PAX5: variants seen among roughly 807,000 people sequenced by gnomAD.
PAX5 encodes paired box 5, also known as paired box protein Pax-5.
In PAX5, 9 loss-of-function variants were observed where a neutral mutation model predicts 43.7. That is an observed-to-expected ratio of 0.21 (90% CI 0.12 to 0.36). PAX5 has a LOEUF of 0.36. Among genes scored for constraint, PAX5 ranks in the 10% least tolerant of loss-of-function variants. The pLI is 1.00. For synonymous variants in PAX5, 228 were observed against 214.3 expected, an observed-to-expected ratio of 1.06 and a Z score of -0.56; for missense variants, 383 against 532.7, an observed-to-expected ratio of 0.72 and a Z score of 2.77.
At chr9:36,976,763 G>C (rs986300347) in intron 5 of PAX5, among the ~76,000 whole-genome samples, 2 of 152,232 alleles carry the variant, frequency 1.3e-5, no homozygotes, top group Admixed American at 6.5e-5. Flanking sequence ...GAGTGAATCC[G>C]ATTGTGCCGG....
chr9:36,875,386 A>G (rs1204242858), intron 8 of PAX5, among the ~76,000 whole-genome samples: 1 of 152,234 alleles, frequency 6.6e-6, no homozygotes, highest in Non-Finnish European at 1.5e-5. Context: ...CAGCTCTTAC[A>G]TACCATACAG....
intron 6 of PAX5, among the ~76,000 whole-genome samples, chr9:36,952,056 T>G (rs1437593851): frequency 6.6e-6 from 1 of 152,200 alleles, no homozygotes; most frequent in Non-Finnish European, 1.5e-5. Context: ...AACTATGAAT[T>G]ACTTTTACAG....
chr9:36,860,424 CG>C (rs1438868447), intron 8 of PAX5, among the ~76,000 whole-genome samples: 5 of 151,996 alleles, frequency 3.3e-5, no homozygotes, highest in Non-Finnish European at 7.4e-5. Flanking sequence ...TCGGAGTAAG[CG>C]GGGGGAGGCA....
intron 3 of PAX5, among the ~76,000 whole-genome samples, chr9:37,013,405 C>T (rs6476607): frequency 0.52 from 79,394 of 151,832 alleles, 21,294 homozygotes; most frequent in Middle Eastern, 0.78. Context: ...GGTTATCTTG[C>T]GAACCCCCAA....
intron 9 of PAX5, among the ~76,000 whole-genome samples, chr9:36,845,416 C>A (rs773619406): frequency 6.6e-6 from 1 of 152,178 alleles, no homozygotes; most frequent in African/African-American, 2.4e-5. Flanking sequence ...ATTAGGTAAG[C>A]GGATATCTTG....
At chr9:36,987,910 A>G (rs944552758) in intron 5 of PAX5, among the ~76,000 whole-genome samples, 2 of 152,266 alleles carry the variant, frequency 1.3e-5, no homozygotes, top group African/African-American at 2.4e-5. Flanking sequence ...GTTAAAAGAT[A>G]CAAACCTGAC....
chr9:36,912,448 T>C (rs557971937), intron 7 of PAX5, among the ~76,000 whole-genome samples: 1 of 152,342 alleles, frequency 6.6e-6, no homozygotes, highest in African/African-American at 2.4e-5. Context: ...GCTCTGGTAA[T>C]CTGGCTTCCC....
At chr9:37,012,283 T>C (rs1838996424) in intron 3 of PAX5, among the ~76,000 whole-genome samples, 1 of 152,156 alleles carries the variant, frequency 6.6e-6, no homozygotes, top group Admixed American at 6.5e-5. Flanking sequence ...TACAGGGCAG[T>C]GGTGGAAAGA....
chr9:37,021,302 T>A (rs1285961854), intron 1 of PAX5, among the ~76,000 whole-genome samples: 2 of 152,216 alleles, frequency 1.3e-5, no homozygotes, highest in Non-Finnish European at 2.9e-5. Context: ...AGCAATCTAA[T>A]TCAAGGGCTA....
chr9:36,951,330 C>T (rs1832988852), intron 6 of PAX5, among the ~76,000 whole-genome samples: 1 of 152,094 alleles, frequency 6.6e-6, no homozygotes, highest in South Asian at 2.1e-4. Flanking sequence ...TTTTAGTCTC[C>T]CCAAAATATC....
intron 8 of PAX5, among the ~76,000 whole-genome samples, chr9:36,854,737 G>A (rs887111170): frequency 2.6e-5 from 4 of 152,134 alleles, no homozygotes; most frequent in African/African-American, 4.8e-5. Flanking sequence ...TGTCGGCCCC[G>A]ACAGCCGTGC....
chr9:36,897,397 T>C (rs370136642), intron 7 of PAX5, among the ~76,000 whole-genome samples: 18 of 152,280 alleles, frequency 1.2e-4, no homozygotes, highest in African/African-American at 4.3e-4. Context: ...CAGGGACCTC[T>C]GGAGCTCCCA....
At chr9:36,960,572 C>T (rs1205384563) in intron 6 of PAX5, among the ~76,000 whole-genome samples, 2 of 152,208 alleles carry the variant, frequency 1.3e-5, no homozygotes, top group East Asian at 1.9e-4. Context: ...AGAGATCCAA[C>T]GGTAGTCGCA....
At chr9:36,968,387 G>A (rs10973145) in intron 5 of PAX5, among the ~76,000 whole-genome samples, 85,964 of 151,900 alleles carry the variant, frequency 0.57, 26,071 homozygotes, top group East Asian at 0.77. Context: ...GTACTTATCT[G>A]GGGACAACTG....
chr9:36,937,473 C>A (rs1831653964), intron 6 of PAX5, among the ~76,000 whole-genome samples: 1 of 152,184 alleles, frequency 6.6e-6, no homozygotes, highest in Non-Finnish European at 1.5e-5. Flanking sequence ...GGGGTTAAAC[C>A]CAGCTTCTGT....
chr9:37,013,779 C>T (rs2032117909), intron 3 of PAX5, among the ~76,000 whole-genome samples: 1 of 152,190 alleles, frequency 6.6e-6, no homozygotes, highest in African/African-American at 2.4e-5. Flanking sequence ...CTGTACCATG[C>T]ATGATGTCAG....
At chr9:36,894,466 T>A (rs913598307) in intron 7 of PAX5, among the ~76,000 whole-genome samples, 1 of 152,128 alleles carries the variant, frequency 6.6e-6, no homozygotes, top group Admixed American at 6.5e-5. Flanking sequence ...GAAATCTTTG[T>A]AAAGGGGGCC....
intron 1 of PAX5, 146 bp downstream of exon 1, chr9:37,033,840 G>GA (rs2132591354): frequency 2.9e-6 from 2 of 683,558 alleles, no homozygotes; most frequent in South Asian, 1.6e-5. Flanking sequence ...ACAGATAGGT[G>GA]AAAAAACATA....
chr9:36,924,845 G>GGGAAGGAGGGAGGGAGAGAC (rs1563973889), intron 6 of PAX5, among the ~76,000 whole-genome samples: 1 of 774 alleles, frequency 1.3e-3, no homozygotes, highest in Non-Finnish European at 2.9e-3. Flanking sequence ...GAGAAAGGGA[G>GGGAAGGAGGGAGGGAGAGAC]GGAGGGAGGA....
Sources: gnomAD v4.1 joint callset for allele counts (sites outside exome capture counted in the v4.1 genomes callset) on GRCh38, gnomAD v4.1.1 for gene constraint, MANE v1.5 for transcripts, NCBI Gene and HGNC (gene_info 2026-07-23, HGNC 2026-07-21) for gene names.